Variants in CFAP58 observed in about 807,000 individuals in gnomAD.
CFAP58 encodes cilia- and flagella-associated protein 58.
In CFAP58, 88 loss-of-function variants were observed where a neutral mutation model predicts 119.5. The observed-to-expected ratio is 0.74, with a 90% CI of 0.62 to 0.88. The LOEUF (loss-of-function observed/expected upper bound fraction) is 0.88, where lower values mean the gene tolerates loss of function less well. Among genes scored for constraint, CFAP58 ranks in the 40% least tolerant of loss-of-function variants. The probability of loss-of-function intolerance (pLI) is 0.00; values close to 1 mark genes in which losing one functional copy is unlikely to be tolerated. For missense variants in CFAP58, 990 were observed against 1,021.2 expected (o/e 0.97, Z 0.42); for synonymous variants, 365 against 366.3 (o/e 1.00, Z 0.04).
chr10:104,396,409 AG>A (rs1417896691), intron 11 of CFAP58, among the ~76,000 whole-genome samples: 8 of 130,050 alleles, frequency 6.2e-5, no homozygotes, highest in African/African-American at 2.3e-4. Context: ...AGAGAGAGAG[AG>A]AGAGAGAGAG....
intron 15 of CFAP58, among the ~76,000 whole-genome samples, chr10:104,418,510 T>C (rs1211823681): frequency 6.6e-6 from 1 of 152,188 alleles, no homozygotes; most frequent in Non-Finnish European, 1.5e-5. Context: ...ATAGAGCCAC[T>C]GCAGTCCGGC....
intron 1 of CFAP58, among the ~76,000 whole-genome samples, 170 bp downstream of exon 1, chr10:104,354,076 C>T (rs1589904355): frequency 6.6e-6 from 1 of 152,204 alleles, no homozygotes; most frequent in African/African-American, 2.4e-5. Flanking sequence ...GGCCTCTTTA[C>T]CTCCTGTTTC....
the CFAP58 span, among the ~76,000 whole-genome samples, chr10:104,348,415 C>G: frequency 6.6e-6 from 1 of 152,160 alleles, no homozygotes; most frequent in Non-Finnish European, 1.5e-5. Flanking sequence ...TTACAGCACG[C>G]ACCTGAGAAG....
chr10:104,343,667 C>T, the CFAP58 span, among the ~76,000 whole-genome samples: 2 of 152,256 alleles, frequency 1.3e-5, no homozygotes, highest in Admixed American at 6.5e-5. Flanking sequence ...TTTCTTTTTA[C>T]TCTTCCTATG....
intron 11 of CFAP58, 56 bp downstream of exon 11, chr10:104,393,531 G>T: frequency 6.5e-7 from 1 of 1,535,630 alleles, no homozygotes; most frequent in Non-Finnish European, 8.8e-7. Flanking sequence ...CGCTCAGGCG[G>T]CCTCCAGTCT....
At position 104,393,362 on chromosome 10, in the gene CFAP58, A is replaced by C. The variant is rs779968827; in HGVS notation, c.1561A>C (p.Ile521Leu). Residue 521 changes from isoleucine (I) to leucine (L), a missense_variant, in exon 11 of 18, where the codon ATT becomes CTT. Transcript: ENST00000369704. ...EITDMKRKLK[I>L]MIHQVDELKE... ...AACAGATATGAAGAGAAAGTTAAAG[A>C]TTATGATCCATCAGGTAGATGAGCT... 6.2e-7 allele frequency: 1 copy of C among 1,614,020 alleles called. No individual in the cohort carries two copies. Among genetic ancestry groups the C allele is most frequent in the South Asian group, 1.1e-5 (1 of 91,080 alleles).
chr10:104,442,187 C>T (rs1044818908), intron 15 of CFAP58, among the ~76,000 whole-genome samples: 4 of 150,150 alleles, frequency 2.7e-5, no homozygotes, highest in Non-Finnish European at 5.9e-5. Context: ...AATGTATTGC[C>T]TTTTTTTTTC....
In CFAP58 at chr10:104,436,424, G is replaced by A. The variant is rs377504658; in HGVS notation, c.2257-11274G>A. ...TTTATAAAGACAAGAGTTTTAAGTG[G>A]CTCATCGTTCTGTAGACTGTCCAGG... is the stretch of plus-strand genomic sequence containing the variant. On this transcript the variant is annotated intron_variant, in intron 15 of 17. Coordinates refer to ENST00000369704, the MANE Select transcript of CFAP58 (RefSeq NM_001008723.2). 2.2e-4 allele frequency among the ~76,000 whole-genome samples: 34 copies of A among 152,270 alleles called. 1 individual carries two copies. In the East Asian group the frequency reaches 6.6e-3, roughly 29 times the overall value.
At chr10:104,373,756 A>G (rs899285447) in intron 7 of CFAP58, among the ~76,000 whole-genome samples, 8 of 152,226 alleles carry the variant, frequency 5.3e-5, no homozygotes, top group African/African-American at 1.7e-4. Context: ...GAAATGAAAT[A>G]GAATAGAAAA....
rs1015633009 is a variant in CFAP58 at position 104,363,750 on chromosome 10, A to T, written c.441-983A>T. ...CAGGTTTAAAGTTTCCTTATTAAAC[A>T]TTTGTTACATCAAAGGTGTTGGTAA... On this transcript the variant is annotated intron_variant, in intron 3 of 17. Transcript: ENST00000369704. Among the ~76,000 whole-genome samples the T allele has an allele frequency of 8.5e-5, 13 of 152,354 alleles. No individual in the cohort carries two copies. The South Asian group carries it at 1.0e-3, about 12-fold the overall frequency.
At chr10:104,438,348 GTTTTT>G (rs759400382) in intron 15 of CFAP58, among the ~76,000 whole-genome samples, 3 of 36,758 alleles carry the variant, frequency 8.2e-5, no homozygotes, top group Admixed American at 2.0e-4. Flanking sequence ...TTTGTTTTTT[GTTTTT>G]TTTTTTTGTT....
chr10:104,394,866 A>G (rs1479205773), intron 11 of CFAP58, among the ~76,000 whole-genome samples: 1 of 152,202 alleles, frequency 6.6e-6, no homozygotes, highest in Admixed American at 6.5e-5. Context: ...TGGAGCTTGT[A>G]GTGGGATAGG....
chr10:104,422,229 A>G (rs2012671561), intron 15 of CFAP58, among the ~76,000 whole-genome samples: 1 of 152,224 alleles, frequency 6.6e-6, no homozygotes, highest in Non-Finnish European at 1.5e-5. Context: ...GAGCCTCTAA[A>G]GTACATAGTA....
chr10:104,401,395 C>T (rs758777347), intron 13 of CFAP58, among the ~76,000 whole-genome samples: 22 of 152,254 alleles, frequency 1.4e-4, no homozygotes, highest in Non-Finnish European at 2.5e-4. Context: ...CCTTAGAAGG[C>T]GGCCAAATTT....
At chr10:104,382,300 T>G (rs965143301) in intron 9 of CFAP58, 5 of 681,708 alleles carry the variant, frequency 7.3e-6, no homozygotes, top group Non-Finnish European at 1.4e-5. Flanking sequence ...AGGAGTGTGG[T>G]CCTCCTTAGG....
intron 15 of CFAP58, among the ~76,000 whole-genome samples, chr10:104,446,448 G>T (rs1049344411): frequency 6.6e-6 from 1 of 152,170 alleles, no homozygotes; most frequent in Non-Finnish European, 1.5e-5. Context: ...CCAGGGAAAA[G>T]GAAAAACTGA....
intron 15 of CFAP58, among the ~76,000 whole-genome samples, chr10:104,429,054 C>A (rs1031990085): frequency 3.9e-5 from 6 of 152,210 alleles, no homozygotes; most frequent in Admixed American, 3.3e-4. Flanking sequence ...TTCGTAGCAG[C>A]TCCATTCTGT....
Position 104,399,454 on chromosome 10 carries a change from C to G in CFAP58, c.1769C>G (p.Ala590Gly). The G allele has an allele frequency of 6.2e-7, 1 of 1,613,810 alleles. No individual in the cohort carries two copies. The highest frequency in any genetic ancestry group is 8.5e-7 in the Non-Finnish European group (1 of 1,179,884). ...GAGAGAAAACTCCTGCGAATAATTG[C>G]TGAGGCTGACGGGGAGAGGTTGAGA... ...AEERKLLRII[A>G]EADGERLRQK... Residue 590 changes from alanine to glycine, a missense_variant, in exon 12 of 18, where the codon GCT becomes GGT. Coordinates refer to ENST00000369704, the MANE Select transcript of CFAP58 (RefSeq NM_001008723.2).
chr10:104,432,696 T>C (rs1202697397), intron 15 of CFAP58, among the ~76,000 whole-genome samples: 1 of 152,086 alleles, frequency 6.6e-6, no homozygotes, highest in Non-Finnish European at 1.5e-5. Flanking sequence ...AGAGATGGGG[T>C]TTTACCATGT....
Sources: allele counts gnomAD v4.1 joint callset (sites outside exome capture counted in the v4.1 genomes callset), GRCh38; gene constraint gnomAD v4.1.1; transcripts MANE v1.5; gene names NCBI Gene and HGNC (gene_info 2026-07-23, HGNC 2026-07-21).